The following RORB variants were observed in gnomAD, a reference collection of about 807,000 sequenced individuals.
The protein encoded by RORB is nuclear receptor ROR-beta.
In RORB, 6 loss-of-function variants were observed where a neutral mutation model predicts 59.1. The ratio of observed to expected loss-of-function variants is 0.10; its 90% CI spans 0.06 to 0.20. The LOEUF (loss-of-function observed/expected upper bound fraction) is 0.20. Among genes scored for constraint, RORB ranks in the 10% least tolerant of loss-of-function variants. The probability of loss-of-function intolerance (pLI) is 1.00; values close to 1 mark genes in which losing one functional copy is unlikely to be tolerated. For synonymous variants in RORB, 215 were observed against 204.5 expected (o/e 1.05, Z -0.44); for missense variants, 320 against 560.5 (o/e 0.57, Z 4.33).
intron 6 of RORB, among the ~76,000 whole-genome samples, chr9:74,664,147 T>C (rs1824232242): frequency 6.6e-6 from 1 of 152,174 alleles, no homozygotes; most frequent in Non-Finnish European, 1.5e-5. Context: ...AGATAGCAGT[T>C]TCCTCATTTG....
At chr9:74,660,017 C>A (rs1824155143) in intron 4 of RORB, among the ~76,000 whole-genome samples, 1 of 152,058 alleles carries the variant, frequency 6.6e-6, no homozygotes, top group African/African-American at 2.4e-5. Context: ...ATTGTGTACA[C>A]CACCTCTCCT....
At chr9:74,546,416 G>T (rs1826491269) in intron 1 of RORB, among the ~76,000 whole-genome samples, 1 of 152,020 alleles carries the variant, frequency 6.6e-6, no homozygotes, top group African/African-American at 2.4e-5. Flanking sequence ...AGGAAGAGGT[G>T]CTAACAAAGA....
At chr9:74,597,823 G>C (rs936121373) in intron 1 of RORB, among the ~76,000 whole-genome samples, 4 of 151,844 alleles carry the variant, frequency 2.6e-5, no homozygotes, top group Non-Finnish European at 4.4e-5. Context: ...CTGGGCATGG[G>C]GGCAGGCGCC....
At chr9:74,532,841 CATAT>C (rs1554664995) in intron 1 of RORB, among the ~76,000 whole-genome samples, 1 of 134,214 alleles carries the variant, frequency 7.5e-6, no homozygotes. Flanking sequence ...TATATATACA[CATAT>C]ATATACACAT....
chr9:74,552,932 G>C (rs1014773618), intron 1 of RORB, among the ~76,000 whole-genome samples: 3 of 152,294 alleles, frequency 2.0e-5, no homozygotes, highest in African/African-American at 2.4e-5. Flanking sequence ...CTAAGTGAGA[G>C]AGCATTTCAG....
At chr9:74,572,163 GTC>G (rs1822563278) in intron 1 of RORB, among the ~76,000 whole-genome samples, 1 of 152,080 alleles carries the variant, frequency 6.6e-6, no homozygotes, top group Admixed American at 6.6e-5. Context: ...CCATCGTTCT[GTC>G]TCTTTTTAAA....
chr9:74,546,010 G>A (rs1826481595), intron 1 of RORB, among the ~76,000 whole-genome samples: 2 of 152,176 alleles, frequency 1.3e-5, no homozygotes, highest in African/African-American at 4.8e-5. Flanking sequence ...TGTTAGTCCA[G>A]GAGAGTGATA....
intron 1 of RORB, among the ~76,000 whole-genome samples, chr9:74,549,949 C>T (rs1429671128): frequency 6.6e-6 from 1 of 152,138 alleles, no homozygotes; most frequent in African/African-American, 2.4e-5. Flanking sequence ...AGGCTGGTCG[C>T]GAACTCCTGA....
At chr9:74,566,016 A>G (rs1822463401) in intron 1 of RORB, among the ~76,000 whole-genome samples, 2 of 152,186 alleles carry the variant, frequency 1.3e-5, no homozygotes, top group South Asian at 4.1e-4. Flanking sequence ...GCTCTCAGGC[A>G]CTGATGAAGT....
At chr9:74,562,574 A>AT (rs982299913) in intron 1 of RORB, among the ~76,000 whole-genome samples, 2 of 152,002 alleles carry the variant, frequency 1.3e-5, no homozygotes, top group African/African-American at 4.8e-5. Context: ...GGAAGCTGAC[A>AT]TTTTTTTCTC....
intron 5 of RORB, 125 bp from the exon 6 acceptor site, chr9:74,662,349 A>G: frequency 1.1e-6 from 1 of 887,554 alleles, no homozygotes; most frequent in Non-Finnish European, 1.7e-6. Flanking sequence ...TTTTTAAAGG[A>G]ATCATATAAA....
intron 1 of RORB, among the ~76,000 whole-genome samples, chr9:74,609,098 A>C (rs1006625856): frequency 6.6e-6 from 1 of 152,184 alleles, no homozygotes; most frequent in African/African-American, 2.4e-5. Context: ...TTCATCTATA[A>C]TTTTAACGGA....
chr9:74,592,606 C>G (rs17690782), intron 1 of RORB, among the ~76,000 whole-genome samples: 4,896 of 152,236 alleles, frequency 0.032, 112 homozygotes, highest in Non-Finnish European at 0.051. Flanking sequence ...TAATGGTCAG[C>G]AACATGTCTC....
chr9:74,685,358 C>A, intron 9 of RORB, 105 bp from the exon 10 acceptor site: 1 of 893,546 alleles, frequency 1.1e-6, no homozygotes, highest in South Asian at 3.1e-5. Flanking sequence ...CATCTTTTTC[C>A]AAAGCCTTTT....
chr9:74,635,544 C>A (rs1282580805), intron 3 of RORB, among the ~76,000 whole-genome samples: 1 of 152,176 alleles, frequency 6.6e-6, no homozygotes, highest in Non-Finnish European at 1.5e-5. Flanking sequence ...TGACATTGGA[C>A]ACATCACCCT....
At position 74,683,954 on chromosome 9, in the gene RORB, A is replaced by G. The variant is rs146193327; in HGVS notation, c.1225-1509A>G. On this transcript the variant is annotated intron_variant, in intron 9 of 9. Transcript: ENST00000376896. ...GCATCAAGAATGAAAAAAAATTAAT[A>G]ATGTTGGAGGTAAAGTTTTGATTCT... is the stretch of plus-strand genomic sequence containing the variant. 5.0e-3 allele frequency among the ~76,000 whole-genome samples: 766 copies of G among 152,294 alleles called. 5 individuals carry two copies. Among genetic ancestry groups the G allele is most frequent in the African/African-American group, 0.018 (733 of 41,586 alleles).
chr9:74,497,582 A>C lies in RORB; in HGVS notation c.-395A>C, dbSNP rs1477639614. The C allele has an allele frequency of 2.1e-5, 5 of 243,338 alleles. No individual in the cohort carries two copies. Among genetic ancestry groups the C allele is most frequent in the Non-Finnish European group, 3.9e-5 (5 of 127,136 alleles). 15.1% of individuals were successfully genotyped at this position (243,338 alleles called of 1,614,324 possible). A position where few individuals can be genotyped will look rare whatever the true frequency, so the allele number is the denominator to read the frequency against. On this transcript the variant is annotated 5_prime_UTR_variant, in exon 1 of 10. Coordinates refer to ENST00000376896, the MANE Select transcript of RORB (RefSeq NM_006914.4). The stretch of plus-strand genomic sequence containing the variant: ...GCTGCTGCCCTTCCTCCTCCTCCTC[A>C]GTCCAAGTGATCACAAAAGAAATCT...
intron 1 of RORB, among the ~76,000 whole-genome samples, chr9:74,541,015 G>C (rs898179304): frequency 1.3e-5 from 2 of 152,020 alleles, no homozygotes; most frequent in Non-Finnish European, 2.9e-5. Context: ...GCACCGTGGT[G>C]CACGCCTATA....
At chr9:74,583,836 C>T (rs914610854) in intron 1 of RORB, among the ~76,000 whole-genome samples, 4 of 152,094 alleles carry the variant, frequency 2.6e-5, no homozygotes, top group African/African-American at 7.2e-5. Context: ...TCTGGTGGGC[C>T]GTCTACTAGT....
Sources: allele counts gnomAD v4.1 joint callset (sites outside exome capture counted in the v4.1 genomes callset), GRCh38; gene constraint gnomAD v4.1.1; transcripts MANE v1.5; gene names NCBI Gene and HGNC (gene_info 2026-07-23, HGNC 2026-07-21).